Variants in TRPM4 observed in about 807,000 individuals in gnomAD.
TRPM4 encodes the protein calcium-activated non-selective cation channel 1.
Under a neutral mutation model 135.6 loss-of-function variants are expected in TRPM4, and 124 were observed. The ratio of observed to expected loss-of-function variants is 0.91; its 90% confidence interval spans 0.79 to 1.06. The LOEUF is 1.06. Ranked by LOEUF, TRPM4 falls within the 50% of genes least tolerant of loss-of-function variation. TRPM4 has a pLI of 0.00. For missense variants in TRPM4, 1,658 were observed against 1,671.4 expected (o/e 0.99, Z 0.14); for synonymous variants, 745 against 705.6 (o/e 1.06, Z -0.88).
At chr19:49,201,932 C>T (rs1968947964) in intron 19 of TRPM4, 32 bp from the exon 20 acceptor site, 6 of 1,611,302 alleles carry the variant, frequency 3.7e-6, no homozygotes, top group African/African-American at 2.7e-5. Flanking sequence ...CTCTGTCCCC[C>T]TCACCCCATC....
chr19:49,196,398 G>T (rs1429673291), intron 16 of TRPM4, 42 bp from the exon 17 acceptor site: 1 of 1,486,166 alleles, frequency 6.7e-7, no homozygotes, highest in Non-Finnish European at 9.0e-7. Flanking sequence ...GGACTCAGAG[G>T]TCAGAGTGAG....
rs895037143 is a variant in TRPM4, at chr19:49,182,894, C to G, written c.1580C>G (p.Pro527Arg). The change falls in exon 11 of 25, where the codon CCT becomes CGT. Residue 527 changes from proline (P) to arginine (R), a missense_variant. Physicochemically the swap from Pro to Arg is moderately radical, Grantham distance 103. Coordinates refer to ENST00000252826, the MANE Select transcript of TRPM4 (RefSeq NM_017636.4). ...PRYPSGGAWD[P>R]HPGQGFGESM... ...TACCCCTCCGGGGGCGCCTGGGACCCTCACCCAGGCCAGGGCTTCGGGGAG... is the reference window on the plus strand; with the variant it reads ...TACCCCTCCGGGGGCGCCTGGGACCGTCACCCAGGCCAGGGCTTCGGGGAG... 4.4e-6 allele frequency: 7 copies of G among 1,599,474 alleles called. No individual in the cohort carries two copies. The African/African-American group carries it at 5.4e-5, about 12-fold the overall frequency.
intron 14 of TRPM4, among the ~76,000 whole-genome samples, chr19:49,189,899 C>T (rs907351159): frequency 2.5e-4 from 38 of 152,256 alleles, no homozygotes; most frequent in African/African-American, 8.9e-4. Flanking sequence ...CCTCTCTGTG[C>T]CTCATGTGTA....
At chr19:49,174,486 C>T (rs753638165) in intron 9 of TRPM4, among the ~76,000 whole-genome samples, 2 of 151,716 alleles carry the variant, frequency 1.3e-5, no homozygotes, top group Non-Finnish European at 2.9e-5. Context: ...CTTGGCCAGG[C>T]ACAGTGGCTC....
Position 49,190,206 on chromosome 19 carries a change from A to C in TRPM4, c.2020-2A>C, listed in dbSNP as rs1191078448. 2 of 1,612,744 alleles carry C rather than the reference A, an allele frequency of 1.2e-6. No homozygotes were observed. Among genetic ancestry groups the C allele is most frequent in the Non-Finnish European group, 1.7e-6 (2 of 1,178,716 alleles). ...GATCCTAATCCTTCCCACCCCCCACAGTCTCTGCTGACACAGAAGTGGTGG... is the reference window on the plus strand; with the variant it reads ...GATCCTAATCCTTCCCACCCCCCACCGTCTCTGCTGACACAGAAGTGGTGG... On this transcript the variant is annotated splice_acceptor_variant, in intron 14 of 24. Coordinates refer to ENST00000252826, the MANE Select transcript of TRPM4 (RefSeq NM_017636.4). LOFTEE classifies it high-confidence loss of function.
chr19:49,191,171 C>T (rs1405897816), intron 16 of TRPM4, among the ~76,000 whole-genome samples: 1 of 152,074 alleles, frequency 6.6e-6, no homozygotes, highest in Non-Finnish European at 1.5e-5. Context: ...TCCCCCAGGC[C>T]CCACCTCCAA....
chr19:49,167,657 C>T (rs1348498850), intron 3 of TRPM4: 1 of 345,690 alleles, frequency 2.9e-6, no homozygotes, highest in South Asian at 3.2e-5. Flanking sequence ...CTCTGGGTCT[C>T]TGTCCCATGT....
chr19:49,208,192 C>T (rs1430963207), intron 20 of TRPM4, among the ~76,000 whole-genome samples: 2 of 152,114 alleles, frequency 1.3e-5, no homozygotes, highest in African/African-American at 4.8e-5. Flanking sequence ...CAGAGTGGAA[C>T]ATGAAAGTGA....
At chr19:49,190,130 C>G in intron 14 of TRPM4, 78 bp from the exon 15 acceptor site, 1 of 1,179,454 alleles carries the variant, frequency 8.5e-7, no homozygotes, top group Non-Finnish European at 1.3e-6. Flanking sequence ...TCTGGAGCTG[C>G]AGTCCAACCC....
Position 49,190,203 on chromosome 19 carries a change from C to A in TRPM4, c.2020-5C>A, listed in dbSNP as rs536657204. On this transcript the variant is annotated splice_region_variant and splice_polypyrimidine_tract_variant and intron_variant, in intron 14 of 24. Transcript: ENST00000252826. ...TTGGATCCTAATCCTTCCCACCCCCCACAGTCTCTGCTGACACAGAAGTGG... is the reference window on the plus strand; with the variant it reads ...TTGGATCCTAATCCTTCCCACCCCCAACAGTCTCTGCTGACACAGAAGTGG... 1.4e-5 allele frequency: 23 copies of A among 1,613,280 alleles called. No homozygotes were observed. Among genetic ancestry groups the A allele is most frequent in the African/African-American group, 5.3e-5 (4 of 75,032 alleles).
chr19:49,171,787 C>T lies in TRPM4; in HGVS notation c.1050+18C>T. ...AGGCCCAGGTATGACACTGGGGGCC[C>T]AACTCTGGATCCTGAGATGGGAGGG... On this transcript the variant is annotated intron_variant, in intron 8 of 24. Coordinates refer to ENST00000252826, the MANE Select transcript of TRPM4 (RefSeq NM_017636.4). The surrounding 1 kb of genome is among the most constrained non-coding windows in gnomAD (Gnocchi z 4.7). 6.2e-7 allele frequency: 1 copy of T among 1,600,282 alleles called. No homozygotes were observed. Among genetic ancestry groups the T allele is most frequent in the Non-Finnish European group, 8.5e-7 (1 of 1,176,110 alleles).
At chr19:49,208,269 C>T (rs1286047298) in intron 20 of TRPM4, among the ~76,000 whole-genome samples, 1 of 151,210 alleles carries the variant, frequency 6.6e-6, no homozygotes, top group Non-Finnish European at 1.5e-5. Flanking sequence ...TAACTGCGGG[C>T]GGGCCTGACA....
rs190365616 is a variant in TRPM4 at position 49,183,274 on chromosome 19, C to A, written c.1743+62C>A. The stretch of plus-strand genomic sequence containing the variant: ...TTAGGCCACTGGATGCCAGTGTTCC[C>A]GAAACAATTACCATACAATTCCCCG... On this transcript the variant is annotated intron_variant, in intron 12 of 24. Coordinates refer to ENST00000252826, the MANE Select transcript of TRPM4 (RefSeq NM_017636.4). 65 of 1,608,282 alleles carry A rather than the reference C, an allele frequency of 4.0e-5. No homozygotes were observed. In the African/African-American group the frequency reaches 6.8e-4, roughly 17 times the overall value.
In TRPM4 at chr19:49,171,904, C is replaced by T; in HGVS notation, c.1051-105C>T. 1 of 1,362,548 alleles carries T rather than the reference C, an allele frequency of 7.3e-7. No homozygotes were observed. The allele number at this position is 1,362,548 out of a possible 1,614,324, so 84.4% of individuals were successfully genotyped here. A position where few individuals can be genotyped will look rare whatever the true frequency, so the allele number is the denominator to read the frequency against. ...GAGAAGAGGGTGCTGGGCATATAGACTATTAGGTCCTGGAGGGGAATGGCC... is the reference window on the plus strand; with the variant it reads ...GAGAAGAGGGTGCTGGGCATATAGATTATTAGGTCCTGGAGGGGAATGGCC... On this transcript the variant is annotated intron_variant, in intron 8 of 24. Transcript: ENST00000252826. The surrounding 1 kb of genome is among the most constrained non-coding windows in gnomAD (Gnocchi z 4.7).
At chr19:49,186,622 A>C (rs1232188867) in intron 12 of TRPM4, among the ~76,000 whole-genome samples, 1 of 152,170 alleles carries the variant, frequency 6.6e-6, no homozygotes, top group African/African-American at 2.4e-5. Context: ...CTGTAATCCC[A>C]GCACTTTGGG....
intron 19 of TRPM4, among the ~76,000 whole-genome samples, chr19:49,201,313 C>G (rs1302744884): frequency 1.3e-5 from 2 of 151,908 alleles, no homozygotes; most frequent in African/African-American, 4.8e-5. Flanking sequence ...CAGAGGAGAA[C>G]AAAGGAAGGA....
At chr19:49,198,639 ACT>A (rs1228141432) in intron 17 of TRPM4, among the ~76,000 whole-genome samples, 1 of 143,108 alleles carries the variant, frequency 7.0e-6, no homozygotes, top group Admixed American at 7.1e-5. Context: ...AAAGAGCAAA[ACT>A]CTGTCAAAAA....
At chr19:49,192,952 T>C (rs1220402214) in intron 16 of TRPM4, among the ~76,000 whole-genome samples, 1 of 151,940 alleles carries the variant, frequency 6.6e-6, no homozygotes, top group Non-Finnish European at 1.5e-5. Flanking sequence ...TCAGGATCAG[T>C]AATGGTGTCC....
intron 20 of TRPM4, among the ~76,000 whole-genome samples, chr19:49,203,899 G>A (rs1406228395): frequency 2.6e-5 from 4 of 152,102 alleles, no homozygotes; most frequent in African/African-American, 9.7e-5. Flanking sequence ...AGGCCTAGGC[G>A]GGTGGATCAC....
Sources: gnomAD v4.1 joint callset for allele counts (sites outside exome capture counted in the v4.1 genomes callset) on GRCh38, gnomAD v4.1.1 for gene constraint, Gnocchi (gnomAD v3.1) non-coding constraint, MANE v1.5 for transcripts, NCBI Gene and HGNC (gene_info 2026-07-23, HGNC 2026-07-21) for gene names.